Variants in MMP8 observed in about 807,000 individuals in gnomAD.
The protein encoded by MMP8 is matrix metallopeptidase 8, also known as neutrophil collagenase.
Under a neutral mutation model 51.2 loss-of-function variants are expected in MMP8, and 67 were observed. The observed-to-expected ratio is 1.31, with a 90% CI of 1.08 to 1.60. The LOEUF (loss-of-function observed/expected upper bound fraction) is 1.60. Among genes scored for constraint, MMP8 ranks in the 40% most tolerant of loss-of-function variants. MMP8 has a pLI of 0.00. For synonymous variants in MMP8, 225 were observed against 191.0 expected (o/e 1.18, Z -1.47); for missense variants, 654 against 558.1 (o/e 1.17, Z -1.73).
rs747493763 is a variant in MMP8 at position 102,722,497 on chromosome 11, C to A, written c.279G>T (p.Val93=). Reference sequence around the variant, plus strand: ...TTAACATAAAACCACCACTGTCAGGCACTCCACAGCGAGGCTTTTTCATCA... The same window carrying A: ...TTAACATAAAACCACCACTGTCAGGAACTCCACAGCGAGGCTTTTTCATCA... The part of the protein sequence containing the change: ...LDMMKKPRCG[V]PDSGGFMLTP... The change falls in exon 2 of 10, where the codon GTG becomes GTT. Residue 93 remains valine, a synonymous_variant. Coordinates refer to ENST00000236826, the MANE Select transcript of MMP8 (RefSeq NM_002424.3). 1 of 1,613,948 alleles carries A rather than the reference C, an allele frequency of 6.2e-7. No individual in the cohort carries two copies. Among genetic ancestry groups the A allele is most frequent in the South Asian group, 1.1e-5 (1 of 91,084 alleles).
rs1349777848 is a variant in MMP8 at position 102,723,380 on chromosome 11, C to T, written c.103-707G>A. The T allele has an allele frequency of 2.1e-5, 8 of 372,296 alleles. No individual in the cohort carries two copies. The East Asian group carries it at 5.1e-4, about 24-fold the overall frequency. 23.1% of individuals were successfully genotyped at this position (372,296 alleles called of 1,614,324 possible). On this transcript the variant is annotated intron_variant, in intron 1 of 9. Transcript: ENST00000236826. ...AACTAGACCTCATGCTGCCTGTGAA[C>T]ACCTGGCACCTTGTCAGTGTCTTAG...
intron 4 of MMP8, among the ~76,000 whole-genome samples, chr11:102,720,902 T>C (rs1429627221): frequency 6.6e-6 from 1 of 152,172 alleles, no homozygotes; most frequent in African/African-American, 2.4e-5. Context: ...TTTCCAAAAA[T>C]GGAAAAATAG....
At chr11:102,714,883 CA>C (rs1861241728) in intron 7 of MMP8, among the ~76,000 whole-genome samples, 174 bp from the exon 8 acceptor site, 1 of 147,862 alleles carries the variant, frequency 6.8e-6, no homozygotes, top group South Asian at 2.1e-4. Context: ...AAGTTAAGTT[CA>C]GGGGGGCTGT....
chr11:102,718,391 T>C, intron 5 of MMP8, 23 bp downstream of exon 5: 2 of 1,599,214 alleles, frequency 1.3e-6, no homozygotes, highest in Non-Finnish European at 1.7e-6. Flanking sequence ...CCATGTACTA[T>C]GACTCTCTTG....
At position 102,716,317 on chromosome 11, in the gene MMP8, A is replaced by T. The variant is rs774589070; in HGVS notation, c.887T>A (p.Leu296His). 1.3e-6 allele frequency: 2 copies of T among 1,586,406 alleles called. No homozygotes were observed. Among genetic ancestry groups the T allele is most frequent in the East Asian group, 4.6e-5 (2 of 43,448 alleles). The part of the protein sequence containing the change: ...DAITTLRGEI[L>H]FFKDRYFWRR... Reference sequence around the variant, plus strand: ...AATTTTATACCTGTCTTTAAAGAAAAGTATTTCTCCACGGAGTGTGGTGAT... The same window carrying T: ...AATTTTATACCTGTCTTTAAAGAAATGTATTTCTCCACGGAGTGTGGTGAT... Residue 296 changes from leucine to histidine, a missense_variant, in exon 6 of 10, where the codon CTT becomes CAT. Coordinates refer to ENST00000236826, the MANE Select transcript of MMP8 (RefSeq NM_002424.3).
chr11:102,713,536 G>A (rs1861188627), intron 9 of MMP8, 79 bp from the exon 10 acceptor site: 4 of 1,236,838 alleles, frequency 3.2e-6, no homozygotes, highest in Admixed American at 3.9e-5. Flanking sequence ...CCCTGCCCCT[G>A]TTCCAACATA....
intron 5 of MMP8, among the ~76,000 whole-genome samples, chr11:102,718,113 CA>C (rs757252901): frequency 0.049 from 4,864 of 100,210 alleles, 150 homozygotes; most frequent in African/African-American, 0.11. Context: ...TCCCCCCCCC[CA>C]AAAAAAATTT....
intron 6 of MMP8, 103 bp downstream of exon 6, chr11:102,716,199 A>G (rs982001548): frequency 4.8e-6 from 4 of 833,220 alleles, no homozygotes; most frequent in South Asian, 1.7e-5. Flanking sequence ...AAGCACAAGT[A>G]TAGAATTCAA....
In MMP8 at chr11:102,715,455, AACAC is replaced by A; in HGVS notation, c.903-22_903-19del. The A allele has an allele frequency of 6.2e-7, 1 of 1,604,360 alleles. No individual in the cohort carries two copies. Among genetic ancestry groups the A allele is most frequent in the Non-Finnish European group, 8.5e-7 (1 of 1,175,516 alleles). On this transcript the variant is annotated intron_variant, in intron 6 of 9. Transcript: ENST00000236826. ...AGAAGTACCTAACGGAACATAAGGA[AACAC>A]ACACACACACTTATACATAACAGTC...
intron 1 of MMP8, among the ~76,000 whole-genome samples, chr11:102,724,483 A>C (rs1437845274): frequency 6.6e-6 from 1 of 152,148 alleles, no homozygotes; most frequent in Non-Finnish European, 1.5e-5. Context: ...AAATAAAACC[A>C]TTTCTTCTAC....
Position 102,720,927 on chromosome 11 carries a change from T to C in MMP8, c.622+474A>G, listed in dbSNP as rs192027511. ...TGGAAAAATAGGCTCTTTTCAAACA[T>C]CACTAAATTTGGGAATATTAAAATA... On this transcript the variant is annotated intron_variant, in intron 4 of 9. Transcript: ENST00000236826. 4.0e-3 allele frequency among the ~76,000 whole-genome samples: 608 copies of C among 151,466 alleles called. 5 individuals are homozygous for C. The highest frequency in any genetic ancestry group is 0.014 in the African/African-American group (570 of 41,448).
chr11:102,722,610 T>C lies in MMP8; in HGVS notation c.166A>G (p.Thr56Ala). The C allele has an allele frequency of 6.2e-7, 1 of 1,613,966 alleles. No individual in the cohort carries two copies. Among genetic ancestry groups the C allele is most frequent in the Non-Finnish European group, 8.5e-7 (1 of 1,179,864 alleles). The change falls in exon 2 of 10, where the codon ACT becomes GCT. Residue 56 changes from threonine to alanine, a missense_variant. Coordinates refer to ENST00000236826, the MANE Select transcript of MMP8 (RefSeq NM_002424.3). Reference protein sequence around the residue: ...NQYQSTRKNGTNVIVEKLKEM... With the variant: ...NQYQSTRKNGANVIVEKLKEM... ...TTAAGCTTTTCAACGATCACATTAG[T>C]GCCATTCTTCCTTGTAGACTGATAC...
chr11:102,714,626 C>A lies in MMP8; in HGVS notation c.1120G>T (p.Val374Phe). 1.3e-6 allele frequency: 2 copies of A among 1,540,510 alleles called. No individual in the cohort carries two copies. Among genetic ancestry groups the A allele is most frequent in the Non-Finnish European group, 1.7e-6 (2 of 1,146,104 alleles). Residue 374 changes from valine (V) to phenylalanine (F), a missense_variant, in exon 8 of 10, where the codon GTC becomes TTC. Physicochemically the swap from Val to Phe is conservative, Grantham distance 50. Coordinates refer to ENST00000236826, the MANE Select transcript of MMP8 (RefSeq NM_002424.3). ...DISNYGFPSS[V>F]QAIDAAVFYR... ...AAAACAGCTGCGTCAATTGCTTGGACGCTGCTGGGGAAGCCATAGTTTGAT... is the reference window on the plus strand; with the variant it reads ...AAAACAGCTGCGTCAATTGCTTGGAAGCTGCTGGGGAAGCCATAGTTTGAT...
intron 6 of MMP8, 99 bp downstream of exon 6, chr11:102,716,203 A>C (rs927783988): frequency 3.5e-6 from 3 of 858,378 alleles, no homozygotes; most frequent in Non-Finnish European, 5.5e-6. Context: ...ACAAGTATAG[A>C]ATTCAAGGAA....
chr11:102,713,382 C>A lies in MMP8; in HGVS notation c.1370G>T (p.Arg457Ile). ...LIAQRVTRVARGNKWLNCRYG is the reference protein window; with the variant it reads ...LIAQRVTRVAIGNKWLNCRYG Reference sequence around the variant, plus strand: ...TCTACAGTTAAGCCATTTATTGCCTCTTGCAACTCTGGTAACTCTCTGAGC... The same window carrying A: ...TCTACAGTTAAGCCATTTATTGCCTATTGCAACTCTGGTAACTCTCTGAGC... The change falls in exon 10 of 10, where the codon AGA becomes ATA. Residue 457 changes from arginine (R) to isoleucine (I), a missense_variant. By Grantham distance (97) the Arg-to-Ile change is moderately conservative (BLOSUM62 -3). Coordinates refer to ENST00000236826, the MANE Select transcript of MMP8 (RefSeq NM_002424.3). 3 of 1,613,634 alleles carry A rather than the reference C, an allele frequency of 1.9e-6. No individual in the cohort carries two copies. Among genetic ancestry groups the A allele is most frequent in the Non-Finnish European group, 2.5e-6 (3 of 1,179,646 alleles).
chr11:102,721,387 C>G lies in MMP8; in HGVS notation c.622+14G>C, dbSNP rs1476738798. The G allele has an allele frequency of 5.6e-6, 9 of 1,612,858 alleles. No individual in the cohort carries two copies. Among genetic ancestry groups the G allele is most frequent in the East Asian group, 2.2e-5 (1 of 44,870 alleles). Reference sequence around the variant, plus strand: ...TTCAGAAGCTGTGTGTGGACATAATCTTGATTAACTTACTTGCGGAGGTGT... The same window carrying G: ...TTCAGAAGCTGTGTGTGGACATAATGTTGATTAACTTACTTGCGGAGGTGT... On this transcript the variant is annotated intron_variant, in intron 4 of 9. Coordinates refer to ENST00000236826, the MANE Select transcript of MMP8 (RefSeq NM_002424.3).
In MMP8 at chr11:102,721,826, G is replaced by A. The variant is rs895107903; in HGVS notation, c.348-64C>T. ...TTAGAACAGTAGTCCATCAACTGAT[G>A]AGTTGTTCTGTTTTGAAGTGAGTTG... On this transcript the variant is annotated intron_variant, in intron 2 of 9. Coordinates refer to ENST00000236826, the MANE Select transcript of MMP8 (RefSeq NM_002424.3). 6.4e-6 allele frequency: 10 copies of A among 1,563,502 alleles called. No homozygotes were observed. In the African/African-American group the frequency reaches 1.2e-4, roughly 19 times the overall value.
At position 102,716,406 on chromosome 11, in the gene MMP8, G is replaced by A; in HGVS notation, c.798C>T (p.Asn266=). Residue 266 remains asparagine (N), a synonymous_variant, in exon 6 of 10, where the codon AAC becomes AAT. Transcript: ENST00000236826. The part of the protein sequence containing the change: ...GIQAIYGLSS[N]PIQPTGPSTP... ...TGCTTGGTCCAGTAGGTTGGATAGGGTTGCTTGAAAGTCCTGGAAAAAAAA... is the reference window on the plus strand; with the variant it reads ...TGCTTGGTCCAGTAGGTTGGATAGGATTGCTTGAAAGTCCTGGAAAAAAAA... 1 of 1,138,896 alleles carries A rather than the reference G, an allele frequency of 8.8e-7. No homozygotes were observed. Among genetic ancestry groups the A allele is most frequent in the Non-Finnish European group, 1.2e-6 (1 of 813,642 alleles). The allele number at this position is 1,138,896 out of a possible 1,614,324, so 70.5% of individuals were successfully genotyped here. A position where few individuals can be genotyped will look rare whatever the true frequency, so the allele number is the denominator to read the frequency against.
Position 102,713,994 on chromosome 11 carries a change from G to A in MMP8, c.1191-137C>T, listed in dbSNP as rs965915608. ...GTTCTCACAATGCCCTGTTTACTAGGATTAAGAATGGTTAATTTCTCTACC... is the reference window on the plus strand; with the variant it reads ...GTTCTCACAATGCCCTGTTTACTAGAATTAAGAATGGTTAATTTCTCTACC... On this transcript the variant is annotated intron_variant, in intron 8 of 9. Coordinates refer to ENST00000236826, the MANE Select transcript of MMP8 (RefSeq NM_002424.3). 3.2e-5 allele frequency: 17 copies of A among 538,402 alleles called. No individual in the cohort carries two copies. In the South Asian group the frequency reaches 4.9e-4, roughly 15 times the overall value. 33.4% of individuals were successfully genotyped at this position (538,402 alleles called of 1,614,324 possible). A position where few individuals can be genotyped will look rare whatever the true frequency, so the allele number is the denominator to read the frequency against.
Sources: allele counts gnomAD v4.1 joint callset (sites outside exome capture counted in the v4.1 genomes callset), GRCh38; gene constraint gnomAD v4.1.1; transcripts MANE v1.5; gene names NCBI Gene and HGNC (gene_info 2026-07-23, HGNC 2026-07-21).